Variants in GDAP1 observed in about 807,000 individuals in gnomAD.
GDAP1 encodes the protein ganglioside induced differentiation associated protein 1.
A neutral mutation model predicts 40.1 loss-of-function variants in GDAP1; 34 were observed. That is an observed-to-expected ratio of 0.85 (90% CI 0.64 to 1.13). GDAP1 has a LOEUF of 1.13. Ranked by LOEUF, GDAP1 falls within the 50% of genes most tolerant of loss-of-function variation. GDAP1 has a pLI of 0.00. For synonymous variants in GDAP1, 170 were observed against 157.4 expected (o/e 1.08, Z -0.60); for missense variants, 374 against 433.7 (o/e 0.86, Z 1.22).
At chr8:74,464,215 GA>G (rs1806438587) in intron 2 of GDAP1, among the ~76,000 whole-genome samples, 1 of 152,136 alleles carries the variant, frequency 6.6e-6, no homozygotes, top group East Asian at 1.9e-4. Context: ...AGTCAAAGTA[GA>G]AAAAACTGGC....
chr8:74,351,247 T>C, intron 1 of GDAP1, 27 bp from the exon 2 acceptor site: 1 of 1,591,544 alleles, frequency 6.3e-7, no homozygotes, highest in Non-Finnish European at 8.6e-7. Context: ...TTACATGTGT[T>C]GTAGTAACCA....
chr8:74,422,340 T>TC (rs1378873286), intron 2 of GDAP1, among the ~76,000 whole-genome samples: 119 of 55,918 alleles, frequency 2.1e-3, no homozygotes, highest in African/African-American at 9.3e-3. Flanking sequence ...TTTCTTTCTT[T>TC]CTTTCTTTCT....
intron 2 of GDAP1, among the ~76,000 whole-genome samples, chr8:74,358,376 A>G (rs1338191663): frequency 2.6e-5 from 4 of 152,216 alleles, no homozygotes; most frequent in African/African-American, 9.6e-5. Context: ...GCATTTGAAA[A>G]TGTACTATTT....
At chr8:74,483,069 C>A (rs1806732267) in intron 2 of GDAP1, among the ~76,000 whole-genome samples, 1 of 152,092 alleles carries the variant, frequency 6.6e-6, no homozygotes. Flanking sequence ...CTCTGTTCTA[C>A]TTTATGAGGT....
chr8:74,473,097 T>G (rs1354065862), intron 2 of GDAP1, among the ~76,000 whole-genome samples: 1 of 134,298 alleles, frequency 7.4e-6, no homozygotes, highest in Non-Finnish European at 1.6e-5. Flanking sequence ...TTTTTTTTTT[T>G]GAAAAGTGCC....
At chr8:74,425,262 T>C (rs1193713734) in intron 2 of GDAP1, among the ~76,000 whole-genome samples, 1 of 152,244 alleles carries the variant, frequency 6.6e-6, no homozygotes, top group South Asian at 2.1e-4. Flanking sequence ...AGTACCATTT[T>C]CAATGTCTCA....
At chr8:74,443,625 A>G (rs1156778685) in intron 2 of GDAP1, among the ~76,000 whole-genome samples, 1 of 152,052 alleles carries the variant, frequency 6.6e-6, no homozygotes, top group Non-Finnish European at 1.5e-5. Context: ...ACTTAGCGAG[A>G]CTTCCTCTCT....
chr8:74,411,289 A>C (rs1286424206), intron 2 of GDAP1, among the ~76,000 whole-genome samples: 1 of 149,760 alleles, frequency 6.7e-6, no homozygotes, highest in African/African-American at 2.6e-5. Flanking sequence ...AACTCCTATG[A>C]GTGGTATCCT....
At chr8:74,400,837 T>G (rs1810317415) in intron 2 of GDAP1, among the ~76,000 whole-genome samples, 1 of 149,288 alleles carries the variant, frequency 6.7e-6, no homozygotes, top group Non-Finnish European at 1.5e-5. Context: ...GATATGAAAT[T>G]CTGGGTTGAA....
Position 74,360,179 on chromosome 8 carries a change from A to G in GDAP1, c.353A>G (p.Tyr118Cys). The G allele has an allele frequency of 6.2e-7, 1 of 1,613,550 alleles. No homozygotes were observed. Among genetic ancestry groups the G allele is most frequent in the Middle Eastern group, 1.6e-4 (1 of 6,062 alleles). The change falls in exon 3 of 6, where the codon TAC becomes TGC. Residue 118 changes from tyrosine to cysteine, a missense_variant. Tyr to Cys is a radical substitution (Grantham distance 194). Transcript: ENST00000220822. The stretch of plus-strand genomic sequence containing the variant: ...ATGCCTGATAAAGAAAGCATGTATT[A>G]CCCACGGGTACAACATTACCGAGAG... ...RLMPDKESMY[Y>C]PRVQHYRELL...
At chr8:74,356,345 T>TA (rs1038717617) in intron 2 of GDAP1, among the ~76,000 whole-genome samples, 120 of 152,314 alleles carry the variant, frequency 7.9e-4, no homozygotes, top group African/African-American at 2.7e-3. Context: ...AACTGTCTGA[T>TA]AAAGGAATTT....
At chr8:74,487,885 T>G (rs1176386169) in intron 2 of GDAP1, among the ~76,000 whole-genome samples, 1 of 152,146 alleles carries the variant, frequency 6.6e-6, no homozygotes, top group Non-Finnish European at 1.5e-5. Flanking sequence ...AAAGACATGC[T>G]TGCCTAGGAC....
rs1479698439 is a variant in GDAP1 at position 74,408,786 on chromosome 8, A to G, written c.165+57465A>G. ...TGAATTCTCGACTTATTGGTTAATG[A>G]TGTTTCTAAGATGAAGGCCATCCTG... On this transcript the variant is annotated intron_variant, in intron 2 of 2. Transcript: ENST00000523640. 6.0e-5 allele frequency among the ~76,000 whole-genome samples: 9 copies of G among 150,142 alleles called. No individual in the cohort carries two copies. The East Asian group carries it at 1.5e-3, about 26-fold the overall frequency.
chr8:74,466,798 A>G (rs1344358642), intron 2 of GDAP1, among the ~76,000 whole-genome samples: 1 of 152,234 alleles, frequency 6.6e-6, no homozygotes, highest in Non-Finnish European at 1.5e-5. Flanking sequence ...TTTGTGAATC[A>G]TCACTATGTA....
At chr8:74,443,976 G>T (rs566966997) in intron 2 of GDAP1, among the ~76,000 whole-genome samples, 1 of 130,808 alleles carries the variant, frequency 7.6e-6, no homozygotes, top group South Asian at 2.5e-4. Context: ...TATTCTTTCT[G>T]TCTGTCTATC....
In GDAP1 at chr8:74,428,633, A is replaced by ATTTTTTTTTT. The variant is rs1195348725; in HGVS notation, c.166-60026_166-60017dup. Among the ~76,000 whole-genome samples, 84 of 42,848 alleles carry ATTTTTTTTTT rather than the reference A, an allele frequency of 2.0e-3. 25 individuals carry two copies. Among genetic ancestry groups the ATTTTTTTTTT allele is most frequent in the African/African-American group, 7.1e-3 (72 of 10,070 alleles). The allele number at this position is 42,848 out of a possible 152,430, so 28.1% of individuals were successfully genotyped here. A position where few individuals can be genotyped will look rare whatever the true frequency, so the allele number is the denominator to read the frequency against. ...GGGCGTATGCCACCACACCCGGCTAATTTTTTTTTTTTTTTTTTTTTTTTT... is the reference window on the plus strand; with the variant it reads ...GGGCGTATGCCACCACACCCGGCTAATTTTTTTTTTTTTTTTTTTTTTTTTTTTTTTTTTT... On this transcript the variant is annotated intron_variant, in intron 2 of 2. Coordinates refer to the GDAP1 transcript ENST00000523640.
Position 74,458,384 on chromosome 8 carries a change from T to G in GDAP1, c.166-30294T>G, listed in dbSNP as rs377357245. ...TTGTGAGGTCATTATAAAGGACACA[T>G]GTGAAATGAAGACAATGTTTACAGT... is the stretch of plus-strand genomic sequence containing the variant. On this transcript the variant is annotated intron_variant, in intron 2 of 2. Coordinates refer to the GDAP1 transcript ENST00000523640. Among the ~76,000 whole-genome samples, 53 of 152,224 alleles carry G rather than the reference T, an allele frequency of 3.5e-4. No homozygotes were observed. In the Middle Eastern group the frequency reaches 0.01, roughly 29 times the overall value.
At chr8:74,406,639 A>G (rs753137192) in intron 2 of GDAP1, among the ~76,000 whole-genome samples, 6 of 150,218 alleles carry the variant, frequency 4.0e-5, no homozygotes, top group Admixed American at 1.3e-4. Context: ...TTTGAGACCA[A>G]CTGATGGGGG....
chr8:74,378,451 A>G (rs1809895185), intron 2 of GDAP1, among the ~76,000 whole-genome samples: 2 of 152,168 alleles, frequency 1.3e-5, no homozygotes, highest in Admixed American at 6.6e-5. Context: ...GAAACACTCT[A>G]AAGTGGTGGC....
Sources: allele counts gnomAD v4.1 joint callset (sites outside exome capture counted in the v4.1 genomes callset), GRCh38; gene constraint gnomAD v4.1.1; transcripts MANE v1.5; gene names NCBI Gene and HGNC (gene_info 2026-07-23, HGNC 2026-07-21).